The following PTPRM variants were observed in gnomAD, a reference collection of about 807,000 sequenced individuals.
PTPRM encodes protein tyrosine phosphatase receptor type M, also known as receptor-type tyrosine-protein phosphatase mu.
A neutral mutation model predicts 186.7 loss-of-function variants in PTPRM; 47 were observed. That is an observed-to-expected ratio of 0.25 (90% confidence interval 0.20 to 0.32). The LOEUF (loss-of-function observed/expected upper bound fraction) is 0.32. Ranked by LOEUF, PTPRM falls within the 10% of genes least tolerant of loss-of-function variation. The pLI is 1.00. For synonymous variants in PTPRM, 668 were observed against 674.9 expected, an observed-to-expected ratio of 0.99 and a Z score of 0.16; for missense variants, 1,494 against 1,865.0, an observed-to-expected ratio of 0.80 and a Z score of 3.66.
chr18:8,380,962 A>G (rs2095731009), intron 29 of PTPRM, among the ~76,000 whole-genome samples: 1 of 152,216 alleles, frequency 6.6e-6, no homozygotes, highest in East Asian at 1.9e-4. Context: ...CAGCAGAGAC[A>G]GGCAAGCAAT....
intron 2 of PTPRM, among the ~76,000 whole-genome samples, chr18:7,804,673 A>G (rs1230266658): frequency 6.6e-6 from 1 of 152,186 alleles, no homozygotes; most frequent in African/African-American, 2.4e-5. Flanking sequence ...GCTTTTGGTA[A>G]TTGACATCAT....
rs76025306 is a variant in PTPRM at position 8,227,449 on chromosome 18, C to T, written c.2301-16609C>T. ...AAGGTTTTTTAAAAAAAATTTTCAT[C>T]CTTTGTGTTTATGAGATGCTTGGAT... On this transcript the variant is annotated intron_variant, in intron 14 of 32. Transcript: ENST00000580170. Among the ~76,000 whole-genome samples the T allele has an allele frequency of 1.9e-3, 295 of 152,264 alleles. 10 individuals are homozygous for T. The East Asian group carries it at 0.052, about 27-fold the overall frequency.
chr18:7,989,326 T>C (rs1372272715), intron 7 of PTPRM, among the ~76,000 whole-genome samples: 1 of 152,184 alleles, frequency 6.6e-6, no homozygotes. Context: ...AAATTTATGC[T>C]CACCTTGCTT....
chr18:8,223,793 ATGG>A (rs2094182272), intron 14 of PTPRM, among the ~76,000 whole-genome samples: 1 of 152,202 alleles, frequency 6.6e-6, no homozygotes, highest in Admixed American at 6.5e-5. Context: ...AACATTTAAT[ATGG>A]TGGGGGGAGT....
chr18:7,945,507 G>A (rs1026747865), intron 5 of PTPRM, among the ~76,000 whole-genome samples: 1 of 151,936 alleles, frequency 6.6e-6, no homozygotes, highest in South Asian at 2.1e-4. Context: ...CAGCAAGAAG[G>A]CCCTCACCAG....
chr18:8,145,599 T>G (rs1455803687), intron 14 of PTPRM, among the ~76,000 whole-genome samples: 1 of 152,224 alleles, frequency 6.6e-6, no homozygotes, highest in Non-Finnish European at 1.5e-5. Flanking sequence ...TGTGATAGTT[T>G]GCTGAGAATG....
chr18:7,976,202 G>A (rs779009058), intron 7 of PTPRM, among the ~76,000 whole-genome samples: 1 of 151,940 alleles, frequency 6.6e-6, no homozygotes, highest in African/African-American at 2.4e-5. Flanking sequence ...AAAAAAGAAC[G>A]TTTCTCTGTC....
intron 23 of PTPRM, among the ~76,000 whole-genome samples, chr18:8,360,427 A>G (rs928545515): frequency 3.3e-5 from 5 of 152,192 alleles, no homozygotes; most frequent in South Asian, 4.1e-4. Flanking sequence ...CGACAAGAAG[A>G]TAGTGTGTCA....
intron 1 of PTPRM, among the ~76,000 whole-genome samples, chr18:7,715,719 C>T (rs1263514681): frequency 6.6e-6 from 1 of 151,966 alleles, no homozygotes; most frequent in Non-Finnish European, 1.5e-5. Flanking sequence ...AATAATAGAC[C>T]AACAGAGAGG....
intron 14 of PTPRM, among the ~76,000 whole-genome samples, chr18:8,187,466 G>A (rs973935843): frequency 6.6e-6 from 1 of 152,214 alleles, no homozygotes. Flanking sequence ...ACTGCCTGGT[G>A]CCTTTAGGTC....
intron 9 of PTPRM, among the ~76,000 whole-genome samples, chr18:8,079,321 G>T (rs953140510): frequency 2.0e-5 from 3 of 152,018 alleles, no homozygotes; most frequent in Non-Finnish European, 4.4e-5. Context: ...TACAACCTGG[G>T]TCTGATCATT....
At chr18:7,920,453 G>A (rs994717073) in intron 4 of PTPRM, among the ~76,000 whole-genome samples, 4 of 152,028 alleles carry the variant, frequency 2.6e-5, no homozygotes, top group African/African-American at 9.7e-5. Flanking sequence ...ACAAATAAAA[G>A]GACAGAAAAA....
chr18:8,077,429 T>C (rs1399246537), intron 9 of PTPRM, among the ~76,000 whole-genome samples: 3 of 152,134 alleles, frequency 2.0e-5, no homozygotes, highest in African/African-American at 7.2e-5. Flanking sequence ...TGTTTCCTTG[T>C]AATTTTTGAA....
chr18:8,267,112 T>A (rs1423603088), intron 19 of PTPRM, among the ~76,000 whole-genome samples: 2 of 152,212 alleles, frequency 1.3e-5, no homozygotes, highest in African/African-American at 4.8e-5. Flanking sequence ...TGTTTTTATA[T>A]GTATTGTATT....
chr18:8,311,921 C>T (rs1294535642), intron 20 of PTPRM, among the ~76,000 whole-genome samples: 1 of 152,174 alleles, frequency 6.6e-6, no homozygotes, highest in Non-Finnish European at 1.5e-5. Flanking sequence ...GAGCAGCACT[C>T]ATCCTGAGGA....
At chr18:8,149,672 G>T (rs1297102584) in intron 14 of PTPRM, among the ~76,000 whole-genome samples, 2 of 107,814 alleles carry the variant, frequency 1.9e-5, no homozygotes, top group East Asian at 8.0e-4. Flanking sequence ...TGTTATATGT[G>T]AATTTGATCC....
At chr18:7,866,037 T>A (rs1464372624) in intron 2 of PTPRM, among the ~76,000 whole-genome samples, 5 of 152,208 alleles carry the variant, frequency 3.3e-5, no homozygotes, top group Admixed American at 3.3e-4. Context: ...GATATCCCGT[T>A]TATTATTTTT....
At chr18:7,780,550 C>A (rs2042805371) in intron 2 of PTPRM, among the ~76,000 whole-genome samples, 1 of 152,156 alleles carries the variant, frequency 6.6e-6, no homozygotes, top group African/African-American at 2.4e-5. Flanking sequence ...TGGTCAAGTT[C>A]TGAAGCTCCC....
Position 7,567,834 on chromosome 18 carries a change from A to G in PTPRM, c.16A>G (p.Thr6Ala). 6.4e-7 allele frequency: 1 copy of G among 1,562,588 alleles called. No homozygotes were observed. Among genetic ancestry groups the G allele is most frequent in the East Asian group, 2.6e-5 (1 of 37,738 alleles). Residue 6 changes from threonine to alanine, a missense_variant, in exon 1 of 33, where the codon ACT becomes GCT. Coordinates refer to ENST00000580170, the MANE Select transcript of PTPRM (RefSeq NM_001105244.2). This position sits in a 1 kb window ranked among gnomAD's most constrained non-coding sequence, Gnocchi z 4.3. MRGLG[T>A]CLATLAGLLL... ...ACTCAGCACCATGAGGGGACTTGGG[A>G]CTTGCCTGGCGACTTTGGCCGGACT...
Sources: allele counts gnomAD v4.1 joint callset (sites outside exome capture counted in the v4.1 genomes callset), GRCh38; gene constraint gnomAD v4.1.1; non-coding constraint Gnocchi (gnomAD v3.1); transcripts MANE v1.5; gene names NCBI Gene and HGNC (gene_info 2026-07-23, HGNC 2026-07-21).